The following UHRF2 variants were observed in gnomAD, a reference collection of about 807,000 sequenced individuals.
UHRF2 encodes ubiquitin like with PHD and ring finger domains 2, also known as E3 ubiquitin-protein ligase UHRF2.
In UHRF2, 23 loss-of-function variants were observed where a neutral mutation model predicts 96.8. The observed-to-expected ratio is 0.24, with a 90% CI of 0.17 to 0.34. UHRF2 has a LOEUF of 0.34. UHRF2 is among the 10% of genes least tolerant of loss of function. UHRF2 has a pLI of 1.00. For synonymous variants in UHRF2, 385 were observed against 332.6 expected, an observed-to-expected ratio of 1.16 and a Z score of -1.72; for missense variants, 685 against 981.5, an observed-to-expected ratio of 0.70 and a Z score of 4.04.
At chr9:6,463,640 T>A (rs927178837) in intron 4 of UHRF2, among the ~76,000 whole-genome samples, 36 of 152,066 alleles carry the variant, frequency 2.4e-4, no homozygotes, top group Admixed American at 5.2e-4. Flanking sequence ...CCATCTCATT[T>A]TTTGTATTTT....
intron 3 of UHRF2, among the ~76,000 whole-genome samples, chr9:6,452,673 T>C (rs36089474): frequency 0.031 from 4,785 of 152,294 alleles, 125 homozygotes; most frequent in Middle Eastern, 0.061. Flanking sequence ...CAACATAAGA[T>C]AAATTGGAGA....
chr9:6,416,697 G>T (rs1819625030), intron 1 of UHRF2, among the ~76,000 whole-genome samples: 2 of 151,924 alleles, frequency 1.3e-5, no homozygotes, highest in African/African-American at 4.8e-5. Context: ...CCGCCACTGC[G>T]CCCGGCTGAT....
chr9:6,496,433 A>G (rs1456739144), intron 10 of UHRF2: 1 of 152,216 alleles, frequency 6.6e-6, no homozygotes, highest in African/African-American at 2.4e-5. Flanking sequence ...CTAACATCTA[A>G]TAAGCTCATT....
At chr9:6,431,305 A>G (rs1165632479) in intron 2 of UHRF2, among the ~76,000 whole-genome samples, 1 of 152,158 alleles carries the variant, frequency 6.6e-6, no homozygotes, top group African/African-American at 2.4e-5. Context: ...TACTATATTT[A>G]GTAGGATAAT....
intron 2 of UHRF2, among the ~76,000 whole-genome samples, chr9:6,423,386 A>T (rs1252657558): frequency 6.6e-6 from 1 of 152,220 alleles, no homozygotes. Flanking sequence ...CTTCACTAAC[A>T]TTGACATAAA....
At chr9:6,458,822 G>C (rs1440355559) in intron 3 of UHRF2, among the ~76,000 whole-genome samples, 7 of 152,174 alleles carry the variant, frequency 4.6e-5, no homozygotes, top group African/African-American at 1.4e-4. Context: ...CAACCCAAAT[G>C]CCCGTCGATG....
chr9:6,481,869 T>C lies in UHRF2; in HGVS notation c.1284+103T>C, dbSNP rs913310771. The C allele has an allele frequency of 1.1e-5, 17 of 1,536,146 alleles. No individual in the cohort carries two copies. The Admixed American group carries it at 3.3e-4, about 30-fold the overall frequency. On this transcript the variant is annotated intron_variant, in intron 7 of 15. Coordinates refer to ENST00000276893, the MANE Select transcript of UHRF2 (RefSeq NM_152896.3). ...ATAAAAGATTAAACAGTATCATTAT[T>C]TGTTAATATCAATGGTACTTAAATT... is the stretch of plus-strand genomic sequence containing the variant.
intron 3 of UHRF2, among the ~76,000 whole-genome samples, chr9:6,438,512 C>T (rs1820982313): frequency 6.6e-6 from 1 of 152,126 alleles, no homozygotes; most frequent in Admixed American, 6.5e-5. Flanking sequence ...ACTACTTTTT[C>T]ATTTTTCTCC....
intron 10 of UHRF2, chr9:6,494,216 T>C (rs13286720): frequency 0.032 from 9,347 of 295,486 alleles, 188 homozygotes; most frequent in Middle Eastern, 0.06. Flanking sequence ...TTAAGTGAAA[T>C]TGAGAATAAG....
At chr9:6,492,444 A>G (rs1824716096) in intron 9 of UHRF2, 5 of 837,028 alleles carry the variant, frequency 6.0e-6, no homozygotes, top group Non-Finnish European at 7.3e-6. Context: ...TACATACTAA[A>G]GATTAAGTTT....
At chr9:6,448,616 T>G (rs1821663923) in intron 3 of UHRF2, among the ~76,000 whole-genome samples, 1 of 152,224 alleles carries the variant, frequency 6.6e-6, no homozygotes, top group Non-Finnish European at 1.5e-5. Flanking sequence ...TTAGTAATTA[T>G]AAGAGGAGGA....
Position 6,420,950 on chromosome 9 carries a change from A to G in UHRF2, c.192A>G (p.Gly64=), listed in dbSNP as rs372402596. 1.2e-5 allele frequency: 20 copies of G among 1,613,966 alleles called. No homozygotes were observed. Among genetic ancestry groups the G allele is most frequent in the Non-Finnish European group, 1.7e-5 (20 of 1,179,990 alleles). The change falls in exon 2 of 16, where the codon GGA becomes GGG. Residue 64 remains glycine (G), a synonymous_variant. Transcript: ENST00000276893. ...ATACCTTATTTGATTATGATGTTGG[A>G]CTGAATGATATAATTCAGCTGCTAG... The part of the protein sequence containing the change: ...NGYTLFDYDV[G]LNDIIQLLVR...
intron 1 of UHRF2, among the ~76,000 whole-genome samples, chr9:6,418,003 A>G (rs759470877): frequency 1.3e-5 from 2 of 152,108 alleles, no homozygotes; most frequent in Admixed American, 6.6e-5. Flanking sequence ...GAAATATGCT[A>G]CTAGTTAATT....
chr9:6,486,554 G>C (rs1008818535), intron 8 of UHRF2, among the ~76,000 whole-genome samples: 2 of 152,190 alleles, frequency 1.3e-5, no homozygotes, highest in Non-Finnish European at 2.9e-5. Context: ...GTGCAACTCA[G>C]AATTCTACGC....
intron 10 of UHRF2, chr9:6,496,978 C>G (rs1362944334): frequency 4.2e-6 from 2 of 472,202 alleles, no homozygotes; most frequent in Non-Finnish European, 7.5e-6. Flanking sequence ...TACAGGCTAT[C>G]TGAGAACCAA....
chr9:6,498,188 G>A (rs1207246311), intron 12 of UHRF2, 30 bp downstream of exon 12: 3 of 1,604,302 alleles, frequency 1.9e-6, no homozygotes, highest in African/African-American at 2.7e-5. Context: ...GGCTGCCTGT[G>A]TGTTCATAAA....
intron 2 of UHRF2, among the ~76,000 whole-genome samples, chr9:6,433,172 T>C (rs1179464145): frequency 2.0e-5 from 3 of 152,202 alleles, no homozygotes; most frequent in African/African-American, 7.2e-5. Flanking sequence ...AGGATTTGTT[T>C]TTTAAACCTT....
chr9:6,419,241 C>T (rs921016330), intron 1 of UHRF2, among the ~76,000 whole-genome samples: 3 of 152,154 alleles, frequency 2.0e-5, no homozygotes, highest in Admixed American at 6.5e-5. Context: ...TTCTGATTAC[C>T]TCTTTAAAAG....
intron 1 of UHRF2, among the ~76,000 whole-genome samples, chr9:6,418,944 G>A (rs1334888339): frequency 2.6e-5 from 4 of 152,060 alleles, no homozygotes; most frequent in African/African-American, 7.2e-5. Context: ...TTCTTTCTTG[G>A]CTTATATTAG....
Sources: allele counts gnomAD v4.1 joint callset (sites outside exome capture counted in the v4.1 genomes callset), GRCh38; gene constraint gnomAD v4.1.1; transcripts MANE v1.5; gene names NCBI Gene and HGNC (gene_info 2026-07-23, HGNC 2026-07-21).